The following DAB1 variants were observed in gnomAD, a reference collection of about 807,000 sequenced individuals.
DAB1 encodes the protein DAB adaptor protein 1.
DAB1 carries 15 observed loss-of-function variants against 64.6 expected under a neutral mutation model. The ratio of observed to expected loss-of-function variants is 0.23; its 90% CI spans 0.16 to 0.36. The LOEUF is 0.36. Ranked by LOEUF, DAB1 falls within the 10% of genes least tolerant of loss-of-function variation. The probability of loss-of-function intolerance (pLI) is 1.00; values close to 1 mark genes in which losing one functional copy is unlikely to be tolerated. For synonymous variants in DAB1, 235 were observed against 251.9 expected (o/e 0.93, Z 0.64); for missense variants, 596 against 706.7 (o/e 0.84, Z 1.78).
intron 2 of DAB1, among the ~76,000 whole-genome samples, chr1:58,508,202 A>G (rs992178122): frequency 5.9e-5 from 9 of 152,206 alleles, no homozygotes; most frequent in African/African-American, 1.9e-4. Flanking sequence ...TAATGTTAAG[A>G]TAAGAGTGTT....
intron 3 of DAB1, among the ~76,000 whole-genome samples, chr1:58,431,791 C>T (rs1644878125): frequency 6.6e-6 from 1 of 151,970 alleles, no homozygotes; most frequent in Non-Finnish European, 1.5e-5. Context: ...TTGTTGATCA[C>T]CTGCCTGGTC....
At chr1:57,160,936 A>T (rs1569663423) in intron 2 of DAB1, among the ~76,000 whole-genome samples, 1 of 151,702 alleles carries the variant, frequency 6.6e-6, no homozygotes, top group Non-Finnish European at 1.5e-5. Context: ...CTGAAGGAAA[A>T]CTCCCACGGG....
At chr1:57,730,098 T>A (rs1647345220) in intron 6 of DAB1, among the ~76,000 whole-genome samples, 1 of 152,194 alleles carries the variant, frequency 6.6e-6, no homozygotes, top group African/African-American at 2.4e-5. Context: ...CATCAAATTC[T>A]AATTTCCTCT....
chr1:57,241,714 T>A (rs1462546801), intron 2 of DAB1, among the ~76,000 whole-genome samples: 1 of 152,168 alleles, frequency 6.6e-6, no homozygotes. Context: ...CTTTGCCAGA[T>A]CTTGTCCTTG....
rs138237574 is a variant in DAB1 at position 58,069,259 on chromosome 1, T to G, written n.387+81252A>C. Among the ~76,000 whole-genome samples the G allele has an allele frequency of 4.6e-5, 7 of 152,302 alleles. No homozygotes were observed. The South Asian group carries it at 1.0e-3, about 23-fold the overall frequency. ...TGCTTACTGTATACCAGGCACTGTT[T>G]TAGGTGCTCACCAAACTTACCCTCT... is the stretch of plus-strand genomic sequence containing the variant. On this transcript the variant is annotated intron_variant and non_coding_transcript_variant, in intron 5 of 20. Transcript: ENST00000485760.
chr1:57,968,796 A>G (rs921917335), intron 5 of DAB1, among the ~76,000 whole-genome samples: 6 of 152,168 alleles, frequency 3.9e-5, no homozygotes, highest in Non-Finnish European at 8.8e-5. Context: ...CAAAGCAGAA[A>G]ACTGAGGCTT....
intron 7 of DAB1, among the ~76,000 whole-genome samples, chr1:57,436,778 C>T (rs1351121448): frequency 6.6e-6 from 1 of 152,062 alleles, no homozygotes; most frequent in Non-Finnish European, 1.5e-5. Flanking sequence ...CCTGTAATCC[C>T]AGCACTTTGG....
At chr1:57,749,236 ACCCGACAGCC>A (rs1648438668) in intron 6 of DAB1, among the ~76,000 whole-genome samples, 1 of 152,170 alleles carries the variant, frequency 6.6e-6, no homozygotes, top group Non-Finnish European at 1.5e-5. Flanking sequence ...CTTATCCACT[ACCCGACAGCC>A]AGTGAAACTA....
At chr1:58,075,945 A>G (rs563933934) in intron 5 of DAB1, among the ~76,000 whole-genome samples, 53 of 150,904 alleles carry the variant, frequency 3.5e-4, no homozygotes, top group African/African-American at 1.3e-3. Flanking sequence ...TCTCTCTCTC[A>G]CAGGCACACA....
chr1:58,097,498 G>A (rs1370983864), intron 5 of DAB1, among the ~76,000 whole-genome samples: 2 of 151,710 alleles, frequency 1.3e-5, no homozygotes, highest in Non-Finnish European at 2.9e-5. Context: ...TCCTCATTGG[G>A]AACGGGGGAT....
chr1:58,514,220 A>T (rs1344211906), intron 2 of DAB1, among the ~76,000 whole-genome samples: 1 of 152,232 alleles, frequency 6.6e-6, no homozygotes, highest in Admixed American at 6.5e-5. Flanking sequence ...ATGAATATGC[A>T]TTAAGGAACA....
intron 11 of DAB1, 84 bp downstream of exon 11, chr1:57,023,447 C>T (rs1646684230): frequency 5.1e-6 from 4 of 781,076 alleles, no homozygotes; most frequent in Non-Finnish European, 8.9e-6. Flanking sequence ...GTTTTATCAT[C>T]ATTCGGTGGC....
At chr1:57,183,407 G>A (rs1008201353) in intron 2 of DAB1, among the ~76,000 whole-genome samples, 1 of 152,220 alleles carries the variant, frequency 6.6e-6, no homozygotes, top group African/African-American at 2.4e-5. Context: ...GCAATATTGT[G>A]TGCAATGAAT....
chr1:58,223,775 A>G (rs573837022), intron 4 of DAB1, among the ~76,000 whole-genome samples: 200 of 152,338 alleles, frequency 1.3e-3, no homozygotes, highest in Admixed American at 3.5e-3. Context: ...GCTGGTGCTA[A>G]TAAAGTGCAC....
intron 1 of DAB1, among the ~76,000 whole-genome samples, chr1:57,306,162 C>A (rs1229252507): frequency 6.6e-6 from 1 of 151,992 alleles, no homozygotes; most frequent in African/African-American, 2.4e-5. Flanking sequence ...GTATCAAGTC[C>A]CGGGTCCCAC....
At chr1:57,589,864 A>G (rs1645423188) in intron 7 of DAB1, among the ~76,000 whole-genome samples, 1 of 152,176 alleles carries the variant, frequency 6.6e-6, no homozygotes, top group Non-Finnish European at 1.5e-5. Context: ...TAACATAACA[A>G]TACACTTTTT....
intron 7 of DAB1, among the ~76,000 whole-genome samples, chr1:57,509,421 C>T (rs963294645): frequency 4.6e-5 from 7 of 152,066 alleles, no homozygotes; most frequent in Non-Finnish European, 1.0e-4. Context: ...CATTCTAGAT[C>T]AGGAGCTAGA....
intron 7 of DAB1, among the ~76,000 whole-genome samples, chr1:57,639,610 G>T (rs1342175782): frequency 6.6e-6 from 1 of 152,078 alleles, no homozygotes; most frequent in African/African-American, 2.4e-5. Context: ...AAAATAATGT[G>T]TCCATGAACT....
intron 5 of DAB1, among the ~76,000 whole-genome samples, chr1:58,093,711 A>G (rs967971297): frequency 1.5e-4 from 23 of 151,854 alleles, no homozygotes; most frequent in African/African-American, 5.6e-4. Flanking sequence ...AAAAAAAAAA[A>G]GAAAACTGGA....
Sources: gnomAD v4.1 joint callset for allele counts (sites outside exome capture counted in the v4.1 genomes callset) on GRCh38, gnomAD v4.1.1 for gene constraint, MANE v1.5 for transcripts, NCBI Gene and HGNC (gene_info 2026-07-23, HGNC 2026-07-21) for gene names.